SDHAF3: variants seen among roughly 807,000 people sequenced by gnomAD.
SDHAF3 encodes succinate dehydrogenase complex assembly factor 3, also known as succinate dehydrogenase assembly factor 3, mitochondrial.
In SDHAF3, 18 loss-of-function variants were observed where a neutral mutation model predicts 11.5. The observed-to-expected ratio is 1.56, with a 90% CI of 1.08 to 2.32. The LOEUF (loss-of-function observed/expected upper bound fraction) is 2.32. Ranked by LOEUF, SDHAF3 falls within the 30% of genes most tolerant of loss-of-function variation. The pLI, the probability that SDHAF3 is intolerant of heterozygous loss-of-function variation, is 0.00. For missense variants in SDHAF3, 200 were observed against 154.4 expected (o/e 1.30, Z -1.57); for synonymous variants, 72 against 59.3 (o/e 1.21, Z -0.99).
Position 97,142,042 on chromosome 7 carries a change from C to CTTTTTTTTTTT in SDHAF3, c.174+24164_174+24174dup, listed in dbSNP as rs71131003. On this transcript the variant is annotated intron_variant, in intron 1 of 1. Coordinates refer to ENST00000432641, the MANE Select transcript of SDHAF3 (RefSeq NM_020186.3). ...AGCAATGAAATGTGTGAATTGTTGTCTTTTTTTTTTTTTTTTTTTTTTTTT... is the reference window on the plus strand; with the variant it reads ...AGCAATGAAATGTGTGAATTGTTGTCTTTTTTTTTTTTTTTTTTTTTTTTTTTTTTTTTTTT... Among the ~76,000 whole-genome samples, 102 of 61,692 alleles carry CTTTTTTTTTTT rather than the reference C, an allele frequency of 1.7e-3. 16 individuals carry two copies. The East Asian group carries it at 0.018, about 11-fold the overall frequency. The allele number at this position is 61,692 out of a possible 152,430, so 40.5% of individuals were successfully genotyped here. A position where few individuals can be genotyped will look rare whatever the true frequency, so the allele number is the denominator to read the frequency against.
At chr7:97,160,365 G>A (rs941109018) in intron 1 of SDHAF3, among the ~76,000 whole-genome samples, 7 of 151,836 alleles carry the variant, frequency 4.6e-5, no homozygotes, top group South Asian at 2.1e-4. Flanking sequence ...GCCTCTGCCC[G>A]GCCGCCCCAT....
At chr7:97,124,198 G>GT (rs976730190) in intron 1 of SDHAF3, among the ~76,000 whole-genome samples, 1 of 152,084 alleles carries the variant, frequency 6.6e-6, no homozygotes, top group East Asian at 1.9e-4. Flanking sequence ...TCCAGTTTCT[G>GT]TTTTTTGCAT....
chr7:97,157,413 T>G (rs1789320119), intron 1 of SDHAF3, among the ~76,000 whole-genome samples: 1 of 152,114 alleles, frequency 6.6e-6, no homozygotes, highest in African/African-American at 2.4e-5. Flanking sequence ...AAAACCACAG[T>G]GAGATACCAT....
chr7:97,149,464 T>G (rs1439785872), intron 1 of SDHAF3, among the ~76,000 whole-genome samples: 2 of 152,134 alleles, frequency 1.3e-5, no homozygotes, highest in Non-Finnish European at 2.9e-5. Context: ...AAAACCACTG[T>G]AGTAGGAGCA....
intron 1 of SDHAF3, among the ~76,000 whole-genome samples, chr7:97,165,357 C>CTTTTTTTTTTTTTTTTTTTTTTTTTTT (rs10653828): frequency 6.5e-5 from 5 of 77,024 alleles, no homozygotes; most frequent in Non-Finnish European, 7.1e-5. Flanking sequence ...ATTTTCCTAC[C>CTTTTTTTTTTTTTTTTTTTTTTTTTTT]TTTTTTTTTT....
intron 1 of SDHAF3, among the ~76,000 whole-genome samples, chr7:97,139,648 A>G (rs1789000178): frequency 1.3e-5 from 2 of 152,240 alleles, no homozygotes; most frequent in African/African-American, 4.8e-5. Context: ...ACCTGCCCCT[A>G]TCTGCCTAGG....
chr7:97,166,749 G>T (rs1789511845), intron 1 of SDHAF3, among the ~76,000 whole-genome samples: 2 of 151,950 alleles, frequency 1.3e-5, no homozygotes, highest in Admixed American at 6.6e-5. Context: ...TAGTTGGCGG[G>T]GGGGGCTTAG....
chr7:97,155,648 A>G lies in SDHAF3; in HGVS notation c.175-25364A>G, dbSNP rs541308794. Among the ~76,000 whole-genome samples the G allele has an allele frequency of 9.2e-5, 14 of 152,324 alleles. No individual in the cohort carries two copies. In the South Asian group the frequency reaches 2.7e-3, roughly 29 times the overall value. On this transcript the variant is annotated intron_variant, in intron 1 of 1. Coordinates refer to ENST00000432641, the MANE Select transcript of SDHAF3 (RefSeq NM_020186.3). Reference sequence around the variant, plus strand: ...AATTATAAGCTGCTTTAAATCAGAAATTGTGAGATCATCTTTATATCCTTA... The same window carrying G: ...AATTATAAGCTGCTTTAAATCAGAAGTTGTGAGATCATCTTTATATCCTTA...
intron 1 of SDHAF3, among the ~76,000 whole-genome samples, chr7:97,125,895 A>T (rs949859264): frequency 1.3e-5 from 2 of 152,198 alleles, no homozygotes; most frequent in East Asian, 3.8e-4. Flanking sequence ...AGTTGCAATC[A>T]TTTGGAGGAG....
chr7:97,147,417 T>C (rs1789152725), intron 1 of SDHAF3, among the ~76,000 whole-genome samples: 1 of 152,248 alleles, frequency 6.6e-6, no homozygotes, highest in African/African-American at 2.4e-5. Flanking sequence ...GCTTTTTGTT[T>C]ATTTGTCCAG....
intron 1 of SDHAF3, among the ~76,000 whole-genome samples, chr7:97,144,742 T>G (rs1348911389): frequency 2.0e-5 from 3 of 152,218 alleles, no homozygotes; most frequent in African/African-American, 4.8e-5. Context: ...CATAGTGTGA[T>G]GCCTGCAGAT....
In SDHAF3 at chr7:97,148,833, G is replaced by C. The variant is rs559225489; in HGVS notation, c.174+30936G>C. 7.0e-4 allele frequency among the ~76,000 whole-genome samples: 106 copies of C among 151,922 alleles called. 1 individual carries two copies. The highest frequency in any genetic ancestry group is 2.5e-3 in the African/African-American group (103 of 41,438). On this transcript the variant is annotated intron_variant, in intron 1 of 1. Transcript: ENST00000432641. ...AAATGAAAAAATTGTGCTTCTCAGT[G>C]TAATATGTAAATATATATTATCTGT...
intron 1 of SDHAF3, among the ~76,000 whole-genome samples, chr7:97,166,647 A>G (rs1387012222): frequency 6.6e-6 from 1 of 152,088 alleles, no homozygotes; most frequent in African/African-American, 2.4e-5. Flanking sequence ...AGAAGGTATG[A>G]TCAGGCATGT....
intron 1 of SDHAF3, among the ~76,000 whole-genome samples, chr7:97,150,054 G>GAGA (rs1789194371): frequency 6.6e-6 from 1 of 152,212 alleles, no homozygotes; most frequent in South Asian, 2.1e-4. Flanking sequence ...ATCCATAAGA[G>GAGA]AGAACTCAGC....
At chr7:97,136,001 A>G (rs1005961893) in intron 1 of SDHAF3, among the ~76,000 whole-genome samples, 1 of 151,840 alleles carries the variant, frequency 6.6e-6, no homozygotes, top group South Asian at 2.1e-4. Flanking sequence ...CCCTGTATAT[A>G]TTTTTAAAGA....
chr7:97,119,509 G>A (rs1791459444), intron 1 of SDHAF3, among the ~76,000 whole-genome samples: 1 of 152,224 alleles, frequency 6.6e-6, no homozygotes. Context: ...TAGAAAGACA[G>A]TAGAGAGTTC....
At chr7:97,126,474 C>G (rs1472390156) in intron 1 of SDHAF3, among the ~76,000 whole-genome samples, 2 of 152,138 alleles carry the variant, frequency 1.3e-5, no homozygotes, top group African/African-American at 2.4e-5. Flanking sequence ...TCTGTAAGCC[C>G]CTGATTGGGG....
intron 1 of SDHAF3, among the ~76,000 whole-genome samples, chr7:97,147,002 A>G (rs904504162): frequency 5.3e-5 from 8 of 152,084 alleles, no homozygotes; most frequent in Non-Finnish European, 1.0e-4. Context: ...CAGCCTTCCA[A>G]AGTGCTGGGA....
In SDHAF3 at chr7:97,121,897, G is replaced by A. The variant is rs1012440306; in HGVS notation, c.174+4000G>A. Among the ~76,000 whole-genome samples, 29 of 138,416 alleles carry A rather than the reference G, an allele frequency of 2.1e-4. 1 individual carries two copies. Among genetic ancestry groups the A allele is most frequent in the Middle Eastern group, 4.4e-3 (1 of 226 alleles). The allele number at this position is 138,416 out of a possible 152,430, so 90.8% of individuals were successfully genotyped here. ...TTTGAGATGGAGTCTTCGCTCTATC[G>A]CCCAGGCTGGAGTGCAGTGGCGTGA... is the stretch of plus-strand genomic sequence containing the variant. On this transcript the variant is annotated intron_variant, in intron 1 of 1. Transcript: ENST00000432641.
Sources: gnomAD v4.1 joint callset for allele counts (sites outside exome capture counted in the v4.1 genomes callset) on GRCh38, gnomAD v4.1.1 for gene constraint, MANE v1.5 for transcripts, NCBI Gene and HGNC (gene_info 2026-07-23, HGNC 2026-07-21) for gene names.